The following PIWIL1 variants were observed in gnomAD, a reference collection of about 807,000 sequenced individuals.
PIWIL1 encodes piwi like RNA-mediated gene silencing 1.
A neutral mutation model predicts 114.4 loss-of-function variants in PIWIL1; 73 were observed. The observed-to-expected ratio is 0.64, with a 90% CI of 0.53 to 0.78. The LOEUF (loss-of-function observed/expected upper bound fraction) is 0.78. Among genes scored for constraint, PIWIL1 ranks in the 30% least tolerant of loss-of-function variants. The pLI is 0.00. For synonymous variants in PIWIL1, 375 were observed against 369.0 expected (o/e 1.02, Z -0.19); for missense variants, 723 against 1,063.1 (o/e 0.68, Z 4.45).
intron 3 of PIWIL1, among the ~76,000 whole-genome samples, chr12:130,344,828 G>C (rs2073027751): frequency 6.6e-6 from 1 of 152,204 alleles, no homozygotes; most frequent in South Asian, 2.1e-4. Context: ...TTTTCCAAAA[G>C]TGTCATCCTG....
At chr12:130,342,932 T>A (rs1033409719) in intron 2 of PIWIL1, 58 bp from the exon 3 acceptor site, 2 of 1,236,294 alleles carry the variant, frequency 1.6e-6, no homozygotes, top group Non-Finnish European at 2.4e-6. Context: ...ACTAGAAATT[T>A]TCTCTGGTGT....
chr12:130,391,259 G>A, the PIWIL1 span, among the ~76,000 whole-genome samples: 1 of 152,216 alleles, frequency 6.6e-6, no homozygotes, highest in Non-Finnish European at 1.5e-5. Flanking sequence ...CTCCGCTTCG[G>A]AAACAATGTC....
At chr12:130,386,170 AT>A in the PIWIL1 span, among the ~76,000 whole-genome samples, 5,397 of 152,186 alleles carry the variant, frequency 0.035, 227 homozygotes, top group African/African-American at 0.1. Flanking sequence ...GAATAAGTAG[AT>A]TGTTTGTTTC....
chr12:130,383,733 T>C, the PIWIL1 span: 1 of 152,236 alleles, frequency 6.6e-6, no homozygotes. Context: ...TTTTACGTAA[T>C]TTTTGTTAAA....
At chr12:130,403,677 G>A in the PIWIL1 span, among the ~76,000 whole-genome samples, 17 of 26,950 alleles carry the variant, frequency 6.3e-4, no homozygotes, top group Non-Finnish European at 2.3e-3. Flanking sequence ...CTCCTCTAAA[G>A]CATAGAAAAA....
chr12:130,357,885 A>T lies in PIWIL1; in HGVS notation c.1665+332A>T, dbSNP rs144194760. On this transcript the variant is annotated intron_variant, in intron 14 of 20. Transcript: ENST00000245255. ...GTAAAAATCAGCTGTTGTTCGGCAC[A>T]CGTAGACGTATGATTGCGTAATTAC... Among the ~76,000 whole-genome samples, 79 of 152,326 alleles carry T rather than the reference A, an allele frequency of 5.2e-4. 1 individual carries two copies. The highest frequency in any genetic ancestry group is 1.7e-3 in the African/African-American group (71 of 41,572).
intron 8 of PIWIL1, among the ~76,000 whole-genome samples, 200 bp from the exon 9 acceptor site, chr12:130,349,656 A>G (rs1199581046): frequency 3.3e-5 from 5 of 152,246 alleles, no homozygotes; most frequent in Non-Finnish European, 5.9e-5. Flanking sequence ...CTTTTAAATT[A>G]TTTTATTTTC....
the PIWIL1 span, among the ~76,000 whole-genome samples, chr12:130,402,546 T>TAAC: frequency 1.3e-5 from 2 of 152,138 alleles, no homozygotes; most frequent in Admixed American, 1.3e-4. Flanking sequence ...CTTTACAGAA[T>TAAC]AACTTTCTCT....
intron 3 of PIWIL1, among the ~76,000 whole-genome samples, chr12:130,344,659 T>G (rs1313154804): frequency 6.6e-6 from 1 of 152,210 alleles, no homozygotes; most frequent in East Asian, 1.9e-4. Flanking sequence ...TTTGTTCTTT[T>G]GTCCTGGGCT....
rs575823788 is a variant in PIWIL1, at chr12:130,367,509, A to T, written c.2321+251A>T. On this transcript the variant is annotated intron_variant, in intron 19 of 20. Coordinates refer to ENST00000245255, the MANE Select transcript of PIWIL1 (RefSeq NM_004764.5). The stretch of plus-strand genomic sequence containing the variant: ...TTATTTTCTGTGGTATTAACTACAC[A>T]TAGGGAGATTAAGCATTGCTTCTGT... Among the ~76,000 whole-genome samples, 6 of 152,334 alleles carry T rather than the reference A, an allele frequency of 3.9e-5. No individual in the cohort carries two copies. The South Asian group carries it at 1.2e-3, about 32-fold the overall frequency.
Position 130,354,291 on chromosome 12 carries a change from C to G in PIWIL1, c.1045-246C>G, listed in dbSNP as rs557532117. On this transcript the variant is annotated intron_variant, in intron 9 of 20. Coordinates refer to ENST00000245255, the MANE Select transcript of PIWIL1 (RefSeq NM_004764.5). ...TGACTAACAAAGTCTGAACTCAGAA[C>G]CATACTGTCCTGGACCATCACAGTT... 2.0e-5 allele frequency among the ~76,000 whole-genome samples: 3 copies of G among 152,222 alleles called. No homozygotes were observed. The East Asian group carries it at 5.8e-4, about 29-fold the overall frequency.
chr12:130,411,790 T>C, the PIWIL1 span, among the ~76,000 whole-genome samples: 1 of 152,206 alleles, frequency 6.6e-6, no homozygotes, highest in Non-Finnish European at 1.5e-5. Context: ...TAGATGTGGA[T>C]TCTGTCTTGA....
the PIWIL1 span, among the ~76,000 whole-genome samples, chr12:130,390,316 ACTG>A: frequency 6.6e-6 from 1 of 152,204 alleles, no homozygotes; most frequent in Non-Finnish European, 1.5e-5. Context: ...GAGAAGCAGT[ACTG>A]ACTACCTTTG....
the PIWIL1 span, among the ~76,000 whole-genome samples, chr12:130,393,288 C>T: frequency 3.1e-5 from 4 of 130,490 alleles, no homozygotes; most frequent in African/African-American, 5.7e-5. Context: ...CACATGTGTG[C>T]GTCAGTTACC....
chr12:130,342,606 C>A lies in PIWIL1; in HGVS notation c.15C>A (p.Ala5=), dbSNP rs1326952400. The change falls in exon 2 of 21, where the codon GCC becomes GCA. Residue 5 remains alanine, a synonymous_variant. Coordinates refer to ENST00000245255, the MANE Select transcript of PIWIL1 (RefSeq NM_004764.5). ...AATAGAAAACAATGACTGGGAGAGC[C>A]CGAGCCAGAGCCAGAGGAAGGGCCC... The part of the protein sequence containing the change: MTGR[A]RARARGRARG... 4 of 1,613,548 alleles carry A rather than the reference C, an allele frequency of 2.5e-6. No individual in the cohort carries two copies. The Admixed American group carries it at 5.0e-5, about 20-fold the overall frequency.
Position 130,368,881 on chromosome 12 carries a change from CTT to C in PIWIL1, c.2321+1635_2321+1636del, listed in dbSNP as rs879628995. Among the ~76,000 whole-genome samples the C allele has an allele frequency of 2.3e-3, 330 of 144,466 alleles. 1 individual carries two copies. The highest frequency in any genetic ancestry group is 7.9e-3 in the African/African-American group (314 of 39,558). The allele number at this position is 144,466 out of a possible 152,430, so 94.8% of individuals were successfully genotyped here. A position where few individuals can be genotyped will look rare whatever the true frequency, so the allele number is the denominator to read the frequency against. On this transcript the variant is annotated intron_variant, in intron 19 of 20. Transcript: ENST00000245255. ...ATTCGGACACCTGGAGAAGCCCACT[CTT>C]TTTTTTTTTTTAGTTTCATTTTAAG...
intron 19 of PIWIL1, among the ~76,000 whole-genome samples, chr12:130,369,665 A>G (rs556373849): frequency 1.4e-4 from 21 of 152,204 alleles, no homozygotes; most frequent in African/African-American, 5.1e-4. Flanking sequence ...TTTTTCATGT[A>G]TGTTTCCTGG....
the PIWIL1 span, chr12:130,414,516 C>T: frequency 3.7e-5 from 17 of 461,074 alleles, no homozygotes; most frequent in Admixed American, 6.7e-4. Flanking sequence ...CTGTACCTGG[C>T]CACACTGCAT....
the PIWIL1 span, chr12:130,424,830 C>T: frequency 8.1e-7 from 1 of 1,232,672 alleles, no homozygotes; most frequent in African/African-American, 1.5e-5. This position sits in a 1 kb window ranked among gnomAD's most constrained non-coding sequence, Gnocchi z 9.8. Flanking sequence ...CCAGAAAGTG[C>T]CTTCCGAGGT....
Sources: gnomAD v4.1 joint callset for allele counts (sites outside exome capture counted in the v4.1 genomes callset) on GRCh38, gnomAD v4.1.1 for gene constraint, Gnocchi (gnomAD v3.1) non-coding constraint, MANE v1.5 for transcripts, NCBI Gene and HGNC (gene_info 2026-07-23, HGNC 2026-07-21) for gene names.